Variants in HIVEP2 observed in about 807,000 individuals in gnomAD.
The protein encoded by HIVEP2 is HIVEP zinc finger 2.
HIVEP2 carries 14 observed loss-of-function variants against 180.7 expected under a neutral mutation model. The observed-to-expected ratio is 0.08, with a 90% CI of 0.05 to 0.12. The LOEUF is 0.12. HIVEP2 is among the 10% of genes least tolerant of loss of function. The probability of loss-of-function intolerance (pLI) is 1.00; values close to 1 mark genes in which losing one functional copy is unlikely to be tolerated. For synonymous variants in HIVEP2, 1,184 were observed against 1,136.4 expected, an observed-to-expected ratio of 1.04 and a Z score of -0.84; for missense variants, 2,579 against 3,008.5, an observed-to-expected ratio of 0.86 and a Z score of 3.34.
chr6:142,796,161 C>T lies in HIVEP2; in HGVS notation c.-527-12546G>A, dbSNP rs538928947. 3.3e-5 allele frequency among the ~76,000 whole-genome samples: 5 copies of T among 152,186 alleles called. No individual in the cohort carries two copies. In the South Asian group the frequency reaches 6.2e-4, roughly 19 times the overall value. On this transcript the variant is annotated intron_variant, in intron 2 of 9. Transcript: ENST00000367603. The stretch of plus-strand genomic sequence containing the variant: ...AGCTGAAGAAATGTTAATGTCTAGG[C>T]CCTAACTAAAACTTCCTGCTTCACT...
At position 142,777,621 on chromosome 6, in the gene HIVEP2, C is replaced by G. The variant is rs1396160843; in HGVS notation, c.-432-1430G>C. Among the ~76,000 whole-genome samples the G allele has an allele frequency of 2.7e-5, 3 of 112,854 alleles. No homozygotes were observed. The East Asian group carries it at 8.6e-4, about 32-fold the overall frequency. 74.0% of individuals were successfully genotyped at this position (112,854 alleles called of 152,430 possible). ...CAAGATCGAGCCATTGCATTCCAGC[C>G]TGGGCAACAAGAGCAAAACTCCATC... On this transcript the variant is annotated intron_variant, in intron 3 of 9. Coordinates refer to ENST00000367603, the MANE Select transcript of HIVEP2 (RefSeq NM_006734.4).
chr6:142,851,813 T>C (rs1775679798), intron 1 of HIVEP2, among the ~76,000 whole-genome samples: 1 of 152,260 alleles, frequency 6.6e-6, no homozygotes, highest in African/African-American at 2.4e-5. Flanking sequence ...GAATGTTTAA[T>C]GTATTGAACC....
chr6:142,762,452 GCACACACA>G lies in HIVEP2; in HGVS notation c.5519-895_5519-888del, dbSNP rs35168499. The stretch of plus-strand genomic sequence containing the variant: ...GTTGACCCAGGATCTACAGAAGAAT[GCACACACA>G]CACACACACACACACACACACACAC... On this transcript the variant is annotated intron_variant, in intron 7 of 9. Transcript: ENST00000367603. 2.7e-3 allele frequency among the ~76,000 whole-genome samples: 382 copies of G among 144,140 alleles called. 2 individuals carry two copies. The highest frequency in any genetic ancestry group is 8.1e-3 in the African/African-American group (317 of 39,222). 94.6% of individuals were successfully genotyped at this position (144,140 alleles called of 152,430 possible).
chr6:142,887,948 G>A (rs1776748551), intron 1 of HIVEP2, among the ~76,000 whole-genome samples: 1 of 132,490 alleles, frequency 7.5e-6, no homozygotes, highest in Non-Finnish European at 1.6e-5. Context: ...ATATAGCAAA[G>A]GGCGATGCAG....
At chr6:142,820,982 A>C (rs1777018176) in intron 2 of HIVEP2, among the ~76,000 whole-genome samples, 1 of 152,190 alleles carries the variant, frequency 6.6e-6, no homozygotes, top group Non-Finnish European at 1.5e-5. Flanking sequence ...AAACACAAGA[A>C]TTCAGATATA....
Position 142,753,076 on chromosome 6 carries a change from T to C in HIVEP2, c.*31A>G. On this transcript the variant is annotated 3_prime_UTR_variant, in exon 10 of 10. Coordinates refer to ENST00000367603, the MANE Select transcript of HIVEP2 (RefSeq NM_006734.4). The stretch of plus-strand genomic sequence containing the variant: ...AAACAAAAACAAAAAAATGGGAAAA[T>C]GTGGAAATGAAAGTCTCCATGCATC... The C allele has an allele frequency of 5.3e-6, 7 of 1,332,532 alleles. No homozygotes were observed. Among genetic ancestry groups the C allele is most frequent in the Admixed American group, 3.4e-5 (2 of 58,190 alleles). 82.5% of individuals were successfully genotyped at this position (1,332,532 alleles called of 1,614,324 possible).
intron 1 of HIVEP2, among the ~76,000 whole-genome samples, chr6:142,904,824 T>C (rs1218848010): frequency 6.6e-6 from 1 of 152,182 alleles, no homozygotes; most frequent in Non-Finnish European, 1.5e-5. Context: ...ATTCTTAGTC[T>C]TTCTACTTGT....
At chr6:142,824,039 C>A (rs2114840815) in intron 2 of HIVEP2, among the ~76,000 whole-genome samples, 1 of 152,040 alleles carries the variant, frequency 6.6e-6, no homozygotes, top group Admixed American at 6.5e-5. Context: ...TTCTAATTTA[C>A]ATATATGATG....
chr6:142,760,158 G>A lies in HIVEP2; in HGVS notation c.6130C>T (p.His2044Tyr), dbSNP rs1775188222. 5 of 1,614,148 alleles carry A rather than the reference G, an allele frequency of 3.1e-6. No homozygotes were observed. Among genetic ancestry groups the A allele is most frequent in the Non-Finnish European group, 3.4e-6 (4 of 1,180,012 alleles). ...SSPRDFSPSS[H>Y]HSSPGYDSSP... Reference sequence around the variant, plus strand: ...GAATCATATCCTGGAGAGGAATGGTGGCTTGAGGGTGAGAAGTCCCTGGGA... The same window carrying A: ...GAATCATATCCTGGAGAGGAATGGTAGCTTGAGGGTGAGAAGTCCCTGGGA... Residue 2044 changes from histidine (H) to tyrosine (Y), a missense_variant, in exon 9 of 10, where the codon CAC (histidine) becomes TAC (tyrosine). His to Tyr is a moderately conservative substitution (Grantham distance 83). This residue lies in a region of HIVEP2 where 660 missense variants were observed against 731.7 expected (regional missense o/e 0.90). Coordinates refer to ENST00000367603, the MANE Select transcript of HIVEP2 (RefSeq NM_006734.4).
intron 1 of HIVEP2, among the ~76,000 whole-genome samples, chr6:142,915,740 G>A (rs555141156): frequency 2.3e-3 from 345 of 151,976 alleles, no homozygotes; most frequent in African/African-American, 7.3e-3. Context: ...CTCTCTTTTC[G>A]TCTCTGTTCT....
rs534850818 is a variant in HIVEP2, at chr6:142,922,773, C to T, written c.-641+22326G>A. Among the ~76,000 whole-genome samples the T allele has an allele frequency of 9.2e-5, 14 of 152,262 alleles. No homozygotes were observed. In the South Asian group the frequency reaches 2.7e-3, roughly 29 times the overall value. Reference sequence around the variant, plus strand: ...GTCTGATTAAGCAACAGAACTGGCTCTCAATAAGAATTATGACATGTACAT... The same window carrying T: ...GTCTGATTAAGCAACAGAACTGGCTTTCAATAAGAATTATGACATGTACAT... On this transcript the variant is annotated intron_variant, in intron 1 of 9. Coordinates refer to ENST00000367603, the MANE Select transcript of HIVEP2 (RefSeq NM_006734.4).
intron 1 of HIVEP2, among the ~76,000 whole-genome samples, chr6:142,837,811 G>GA (rs1443100386): frequency 6.6e-6 from 1 of 151,996 alleles, no homozygotes; most frequent in Non-Finnish European, 1.5e-5. Flanking sequence ...AATGCTAGAG[G>GA]GTTGAGCAGA....
intron 2 of HIVEP2, among the ~76,000 whole-genome samples, chr6:142,805,117 G>A (rs1776514419): frequency 6.6e-6 from 1 of 152,088 alleles, no homozygotes; most frequent in Admixed American, 6.5e-5. Flanking sequence ...CATACACCAG[G>A]TATAATAAAA....
rs6905004 is a variant in HIVEP2, at chr6:142,793,327, A to G, written c.-527-9712T>C. On this transcript the variant is annotated intron_variant, in intron 2 of 9. Coordinates refer to ENST00000367603, the MANE Select transcript of HIVEP2 (RefSeq NM_006734.4). ...ATACTCATGCTGTGCTTCATTGTAT[A>G]GAAATTTAGGGAATATTTACTGATG... 1.4e-3 allele frequency among the ~76,000 whole-genome samples: 214 copies of G among 152,302 alleles called. 1 individual carries two copies. The highest frequency in any genetic ancestry group is 4.8e-3 in the African/African-American group (201 of 41,568).
intron 1 of HIVEP2, among the ~76,000 whole-genome samples, chr6:142,849,255 C>T (rs1381942136): frequency 6.6e-6 from 1 of 152,144 alleles, no homozygotes; most frequent in Non-Finnish European, 1.5e-5. Flanking sequence ...ATTAAGGAAG[C>T]TCTGACAGTG....
intron 1 of HIVEP2, among the ~76,000 whole-genome samples, chr6:142,907,819 C>A (rs544088156): frequency 6.6e-6 from 1 of 152,190 alleles, no homozygotes; most frequent in African/African-American, 2.4e-5. Context: ...TCCAATTGTA[C>A]TTTGATGGCC....
rs1028975082 is a variant in HIVEP2, at chr6:142,752,252, T to C, written c.*855A>G. 2.0e-5 allele frequency: 3 copies of C among 152,684 alleles called. No individual in the cohort carries two copies. The highest frequency in any genetic ancestry group is 7.2e-5 in the African/African-American group (3 of 41,470). 9.5% of individuals were successfully genotyped at this position (152,684 alleles called of 1,614,324 possible). ...TTTTAGATGAGTATATAGATCAACATGTTCACATAAGACCAAATACTTTTA... is the reference window on the plus strand; with the variant it reads ...TTTTAGATGAGTATATAGATCAACACGTTCACATAAGACCAAATACTTTTA... On this transcript the variant is annotated 3_prime_UTR_variant, in exon 10 of 10. Transcript: ENST00000367603.
chr6:142,840,471 T>C, intron 1 of HIVEP2, among the ~76,000 whole-genome samples: 1 of 152,084 alleles, frequency 6.6e-6, no homozygotes, highest in Non-Finnish European at 1.5e-5. Context: ...CCAAACACAA[T>C]CTTTTCATTT....
At chr6:142,813,574 T>G (rs927290074) in intron 2 of HIVEP2, among the ~76,000 whole-genome samples, 1 of 134,700 alleles carries the variant, frequency 7.4e-6, no homozygotes, top group African/African-American at 2.8e-5. Flanking sequence ...CAGTTCAGAG[T>G]TTTTTTTTTT....
Sources: allele counts gnomAD v4.1 joint callset (sites outside exome capture counted in the v4.1 genomes callset), GRCh38; gene constraint gnomAD v4.1.1; regional missense constraint gnomAD v4.1.1; transcripts MANE v1.5; gene names NCBI Gene and HGNC (gene_info 2026-07-23, HGNC 2026-07-21).